Variants in FANCB observed in about 807,000 individuals in gnomAD.
FANCB encodes Fanconi anemia group B protein.
A neutral mutation model predicts 38.9 loss-of-function variants in FANCB; 5 were observed. The observed-to-expected ratio is 0.13, with a 90% confidence interval of 0.07 to 0.27. The LOEUF is 0.27. FANCB is among the 10% of genes least tolerant of loss of function. FANCB has a pLI of 1.00. For synonymous variants in FANCB, 236 were observed against 215.4 expected (o/e 1.10, Z -0.84); for missense variants, 573 against 602.7 (o/e 0.95, Z 0.52).
chrX:14,705,560 G>A, the FANCB span, among the ~76,000 whole-genome samples: 1 of 112,077 alleles, frequency 8.9e-6, no homozygotes, highest in African/African-American at 3.2e-5. Flanking sequence ...AGAGGACTGA[G>A]GTTTAGCTTC....
chrX:14,827,322 A>G, the FANCB span, among the ~76,000 whole-genome samples: 16 of 111,594 alleles, frequency 1.4e-4, no homozygotes, highest in Non-Finnish European at 2.1e-4. Context: ...ACATAGAGAG[A>G]ATTGACAGTG....
the FANCB span, among the ~76,000 whole-genome samples, chrX:14,702,764 A>G: frequency 1.8e-5 from 2 of 111,792 alleles, no homozygotes; most frequent in Admixed American, 1.9e-4. Context: ...ATATCAAAGA[A>G]AAAGATATGA....
At chrX:14,765,559 T>C in the FANCB span, among the ~76,000 whole-genome samples, 1 of 112,654 alleles carries the variant, frequency 8.9e-6, no homozygotes, top group South Asian at 3.7e-4. Flanking sequence ...CATTTATTAA[T>C]GAAATGCCTC....
the FANCB span, among the ~76,000 whole-genome samples, chrX:14,828,454 T>C: frequency 7.1e-5 from 8 of 112,234 alleles, no homozygotes; most frequent in African/African-American, 2.6e-4. Flanking sequence ...ATTTCCATAA[T>C]GTTTACAGCA....
chrX:14,825,384 T>C, the FANCB span, among the ~76,000 whole-genome samples: 2 of 112,082 alleles, frequency 1.8e-5, no homozygotes, highest in African/African-American at 6.5e-5. Context: ...TTTCCCACTT[T>C]GTTTTCCCTC....
At chrX:14,760,240 G>T in the FANCB span, among the ~76,000 whole-genome samples, 1 of 112,257 alleles carries the variant, frequency 8.9e-6, no homozygotes, top group Non-Finnish European at 1.9e-5. Flanking sequence ...ATGAAATCTT[G>T]ACATTTGCAA....
the FANCB span, among the ~76,000 whole-genome samples, chrX:14,773,530 A>G: frequency 8.9e-6 from 1 of 111,987 alleles, no homozygotes; most frequent in African/African-American, 3.2e-5. Context: ...AAAAGGAGAG[A>G]GAAATACAGG....
At chrX:14,861,651 T>C (rs1359029749) in intron 3 of FANCB, among the ~76,000 whole-genome samples, 1 of 111,632 alleles carries the variant, frequency 9.0e-6, no homozygotes, top group Non-Finnish European at 1.9e-5. Flanking sequence ...CAGAACTTAA[T>C]GTTAGAAAAA....
At chrX:14,698,708 AAGT>A in the FANCB span, among the ~76,000 whole-genome samples, 1 of 106,893 alleles carries the variant, frequency 9.4e-6, no homozygotes, top group African/African-American at 3.4e-5. Flanking sequence ...AAAAAAAAAA[AAGT>A]AAATATTCCC....
At chrX:14,775,160 G>GTTTTTTTTTTTTTTTTTTTTTTTT in the FANCB span, among the ~76,000 whole-genome samples, 1 of 35,001 alleles carries the variant, frequency 2.9e-5, no homozygotes, top group Non-Finnish European at 6.0e-5. Context: ...TTTCTCTAAT[G>GTTTTTTTTTTTTTTTTTTTTTTTT]TTTTTTTTTT....
the FANCB span, among the ~76,000 whole-genome samples, chrX:14,793,990 T>C: frequency 8.9e-6 from 1 of 111,824 alleles, no homozygotes; most frequent in Admixed American, 9.6e-5. Flanking sequence ...GAAGATTTCA[T>C]ATGTCCTGCT....
At chrX:14,799,988 AT>A in the FANCB span, among the ~76,000 whole-genome samples, 5 of 112,020 alleles carry the variant, frequency 4.5e-5, no homozygotes, top group South Asian at 1.1e-3. Context: ...AAAGAGATAA[AT>A]TGAGGAGAGA....
intron 1 of FANCB, among the ~76,000 whole-genome samples, chrX:14,870,617 T>C (rs1410340859): frequency 8.9e-6 from 1 of 112,118 alleles, no homozygotes; most frequent in East Asian, 2.8e-4. Flanking sequence ...AATGATAATA[T>C]ATACAAGCAT....
chrX:14,740,978 A>ACACACACACACACG, the FANCB span, among the ~76,000 whole-genome samples: 4 of 110,992 alleles, frequency 3.6e-5, no homozygotes, highest in East Asian at 8.5e-4. Flanking sequence ...ACACACACGC[A>ACACACACACACACG]CACACACACA....
At chrX:14,794,808 G>C in the FANCB span, among the ~76,000 whole-genome samples, 1 of 111,891 alleles carries the variant, frequency 8.9e-6, no homozygotes, top group Non-Finnish European at 1.9e-5. Flanking sequence ...CACAATATTG[G>C]GTGTGATGGA....
the FANCB span, among the ~76,000 whole-genome samples, chrX:14,757,729 T>G: frequency 1.8e-5 from 2 of 111,619 alleles, no homozygotes; most frequent in African/African-American, 6.5e-5. Flanking sequence ...CGCGGATCCT[T>G]GGGGAGGGAT....
chrX:14,796,691 T>TACAC, the FANCB span, among the ~76,000 whole-genome samples: 8,852 of 71,866 alleles, frequency 0.12, 637 homozygotes, highest in African/African-American at 0.31. Flanking sequence ...CACGTCTATA[T>TACAC]ATACACACAC....
the FANCB span, among the ~76,000 whole-genome samples, chrX:14,748,733 GAGCATC>G: frequency 0.035 from 3,920 of 111,913 alleles, 137 homozygotes; most frequent in African/African-American, 0.11. Context: ...GCCAAATTTA[GAGCATC>G]ACTATCCGGA....
chrX:14,695,159 CA>C, the FANCB span, among the ~76,000 whole-genome samples: 2 of 103,611 alleles, frequency 1.9e-5, no homozygotes, highest in South Asian at 4.2e-4. Flanking sequence ...ATAACAGAAA[CA>C]AAAAAAAAAG....
Sources: gnomAD v4.1 joint callset for allele counts (sites outside exome capture counted in the v4.1 genomes callset) on GRCh38, gnomAD v4.1.1 for gene constraint, MANE v1.5 for transcripts, NCBI Gene and HGNC (gene_info 2026-07-23, HGNC 2026-07-21) for gene names.